Variants in RNF144A observed in about 807,000 individuals in gnomAD.
RNF144A encodes the protein ring finger protein 144A.
A neutral mutation model predicts 38.7 loss-of-function variants in RNF144A; 11 were observed. The observed-to-expected ratio is 0.28, with a 90% CI of 0.18 to 0.47. The LOEUF (loss-of-function observed/expected upper bound fraction) is 0.47. RNF144A is among the 20% of genes least tolerant of loss of function. RNF144A has a pLI of 0.99. For synonymous variants in RNF144A, 149 were observed against 143.9 expected, an observed-to-expected ratio of 1.04 and a Z score of -0.25; for missense variants, 316 against 377.2, an observed-to-expected ratio of 0.84 and a Z score of 1.34.
chr2:7,014,882 A>T lies in RNF144A; in HGVS notation c.301+110A>T, dbSNP rs184337816. 4.5e-5 allele frequency: 35 copies of T among 769,930 alleles called. No homozygotes were observed. The African/African-American group carries it at 5.7e-4, about 13-fold the overall frequency. 47.7% of individuals were successfully genotyped at this position (769,930 alleles called of 1,614,324 possible). A position where few individuals can be genotyped will look rare whatever the true frequency, so the allele number is the denominator to read the frequency against. On this transcript the variant is annotated intron_variant, in intron 5 of 8. Coordinates refer to ENST00000320892, the MANE Select transcript of RNF144A (RefSeq NM_014746.6). ...GGTTATACAGCATTTGATAGGAGTT[A>T]AAAAGTTGATGTAAAATAAACTTCT...
intron 8 of RNF144A, among the ~76,000 whole-genome samples, chr2:7,034,195 T>C (rs541098320): frequency 6.6e-6 from 1 of 152,158 alleles, no homozygotes; most frequent in African/African-American, 2.4e-5. Context: ...TCTTCCTTTC[T>C]TTGAAGGCAG....
At chr2:6,937,635 A>T (rs1390395237) in intron 1 of RNF144A, among the ~76,000 whole-genome samples, 1 of 152,240 alleles carries the variant, frequency 6.6e-6, no homozygotes, top group Non-Finnish European at 1.5e-5. Context: ...GGCAGAGAAT[A>T]GATTTGCAAC....
intron 2 of RNF144A, among the ~76,000 whole-genome samples, chr2:6,965,523 A>G (rs949580897): frequency 1.3e-5 from 2 of 152,192 alleles, no homozygotes; most frequent in African/African-American, 4.8e-5. Context: ...AAGCTTTTCT[A>G]AGCCTGAGGC....
chr2:6,925,828 A>G (rs556948401), intron 1 of RNF144A, among the ~76,000 whole-genome samples: 2 of 152,168 alleles, frequency 1.3e-5, no homozygotes, highest in East Asian at 1.9e-4. Flanking sequence ...TAGGAGTTCA[A>G]TATATCCTTT....
At chr2:6,976,076 C>T (rs538447634) in intron 2 of RNF144A, among the ~76,000 whole-genome samples, 2 of 152,324 alleles carry the variant, frequency 1.3e-5, no homozygotes, top group South Asian at 2.1e-4. Flanking sequence ...TCTGGTATTA[C>T]AAACAAGACC....
In RNF144A at chr2:7,042,091, C is replaced by T; in HGVS notation, c.*2331C>T. 2 of 985,330 alleles carry T rather than the reference C, an allele frequency of 2.0e-6. No homozygotes were observed. Among genetic ancestry groups the T allele is most frequent in the Non-Finnish European group, 2.4e-6 (2 of 829,896 alleles). The allele number at this position is 985,330 out of a possible 1,614,324, so 61.0% of individuals were successfully genotyped here. A position where few individuals can be genotyped will look rare whatever the true frequency, so the allele number is the denominator to read the frequency against. ...TTTTGTATGAAGCATGCCTCAGTTTCCTCATTTTGATCTAGATATAAAATT... is the reference window on the plus strand; with the variant it reads ...TTTTGTATGAAGCATGCCTCAGTTTTCTCATTTTGATCTAGATATAAAATT... On this transcript the variant is annotated 3_prime_UTR_variant, in exon 9 of 9. Transcript: ENST00000320892.
At chr2:7,030,059 G>A (rs572185288) in intron 7 of RNF144A, 67 bp from the exon 8 acceptor site, 16 of 1,069,044 alleles carry the variant, frequency 1.5e-5, no homozygotes, top group Non-Finnish European at 1.5e-6. Context: ...TGCATCAATG[G>A]CTGTGATACT....
At chr2:7,006,672 C>G (rs1267908492) in intron 3 of RNF144A, among the ~76,000 whole-genome samples, 1 of 152,182 alleles carries the variant, frequency 6.6e-6, no homozygotes, top group African/African-American at 2.4e-5. Flanking sequence ...AGCCACTGTC[C>G]TCTCTCCATG....
chr2:7,069,664 G>C (rs1674385529), downstream of RNF144A, among the ~76,000 whole-genome samples: 1 of 152,100 alleles, frequency 6.6e-6, no homozygotes, highest in Non-Finnish European at 1.5e-5. Flanking sequence ...ATAAACACAA[G>C]GTAATCACTT....
intron 2 of RNF144A, among the ~76,000 whole-genome samples, chr2:6,990,621 A>G (rs1427160854): frequency 6.6e-6 from 1 of 151,634 alleles, no homozygotes; most frequent in Non-Finnish European, 1.5e-5. Context: ...AGACTTCTAG[A>G]TGTGCTAAAT....
At chr2:6,990,606 T>G (rs867673613) in intron 2 of RNF144A, among the ~76,000 whole-genome samples, 2 of 142,552 alleles carry the variant, frequency 1.4e-5, no homozygotes, top group Admixed American at 7.0e-5. Context: ...CACACACAGA[T>G]ATATAGACTT....
intron 1 of RNF144A, among the ~76,000 whole-genome samples, chr2:6,919,760 G>A (rs1481917541): frequency 6.6e-6 from 1 of 152,156 alleles, no homozygotes; most frequent in Non-Finnish European, 1.5e-5. Flanking sequence ...TCCAGACCCA[G>A]TGCAATTTGA....
intron 1 of RNF144A, among the ~76,000 whole-genome samples, chr2:6,923,797 TTA>T (rs1491299936): frequency 1.7e-4 from 18 of 103,390 alleles, no homozygotes; most frequent in African/African-American, 8.0e-4. Context: ...CATAGCAACT[TTA>T]TTTTTTTTTT....
chr2:6,922,027 C>T (rs895998388), intron 1 of RNF144A, among the ~76,000 whole-genome samples: 5 of 152,200 alleles, frequency 3.3e-5, no homozygotes, highest in Admixed American at 2.6e-4. Context: ...CTGGCATCTC[C>T]TGGAAGGTCC....
intron 5 of RNF144A, 88 bp from the exon 6 acceptor site, chr2:7,020,385 T>C: frequency 2.6e-6 from 3 of 1,161,676 alleles, no homozygotes; most frequent in Non-Finnish European, 3.8e-6. Flanking sequence ...TGTTCCTCCC[T>C]GTCCGTGCAC....
At chr2:6,981,782 A>G (rs898558056) in intron 2 of RNF144A, among the ~76,000 whole-genome samples, 8 of 152,296 alleles carry the variant, frequency 5.3e-5, no homozygotes, top group African/African-American at 1.9e-4. Flanking sequence ...GGTTATCTTC[A>G]TAGCAGTATG....
chr2:6,925,269 C>T lies in RNF144A; in HGVS notation c.-212+7647C>T, dbSNP rs528668645. 2.6e-5 allele frequency among the ~76,000 whole-genome samples: 4 copies of T among 152,234 alleles called. No homozygotes were observed. The South Asian group carries it at 8.3e-4, about 32-fold the overall frequency. Reference sequence around the variant, plus strand: ...CAGATCTCACTCACAGATTGCAGGCCCTTCTCTCTTCTTCTTGTCTCAGTG... The same window carrying T: ...CAGATCTCACTCACAGATTGCAGGCTCTTCTCTCTTCTTCTTGTCTCAGTG... On this transcript the variant is annotated intron_variant, in intron 1 of 8. Transcript: ENST00000320892.
rs372095097 is a variant in RNF144A, at chr2:7,005,526, CTTCCAACTGCCAAGCTGGCAGT to C, written c.135+8471_135+8492del. 5.5e-3 allele frequency among the ~76,000 whole-genome samples: 834 copies of C among 152,296 alleles called. 5 individuals carry two copies. Among genetic ancestry groups the C allele is most frequent in the African/African-American group, 0.019 (779 of 41,562 alleles). On this transcript the variant is annotated intron_variant, in intron 3 of 8. Transcript: ENST00000320892. The stretch of plus-strand genomic sequence containing the variant: ...TCCAGGGCTGTTGCAAAGAGCGAAG[CTTCCAACTGCCAAGCTGGCAGT>C]TTCCAGCTGCCAAGATGCCTGCAAA...
At chr2:6,920,487 G>A (rs1167087033) in intron 1 of RNF144A, among the ~76,000 whole-genome samples, 2 of 152,138 alleles carry the variant, frequency 1.3e-5, no homozygotes, top group Non-Finnish European at 2.9e-5. Context: ...AGCCGTGCTC[G>A]CTGCCCTGCA....
Sources: allele counts gnomAD v4.1 joint callset (sites outside exome capture counted in the v4.1 genomes callset), GRCh38; gene constraint gnomAD v4.1.1; transcripts MANE v1.5; gene names NCBI Gene and HGNC (gene_info 2026-07-23, HGNC 2026-07-21).